TNRC6A: variants seen among roughly 807,000 people sequenced by gnomAD.
TNRC6A encodes trinucleotide repeat containing adaptor 6A.
A neutral mutation model predicts 221.2 loss-of-function variants in TNRC6A; 44 were observed. The ratio of observed to expected loss-of-function variants is 0.20; its 90% CI spans 0.16 to 0.26. The LOEUF (loss-of-function observed/expected upper bound fraction) is 0.26. Among genes scored for constraint, TNRC6A ranks in the 10% least tolerant of loss-of-function variants. The pLI, the probability that TNRC6A is intolerant of heterozygous loss-of-function variation, is 1.00. For synonymous variants in TNRC6A, 847 were observed against 838.5 expected, an observed-to-expected ratio of 1.01 and a Z score of -0.18; for missense variants, 2,199 against 2,404.4, an observed-to-expected ratio of 0.91 and a Z score of 1.79.
chr16:24,807,918 G>T (rs1455810373), intron 17 of TNRC6A, among the ~76,000 whole-genome samples: 1 of 152,216 alleles, frequency 6.6e-6, no homozygotes, highest in Non-Finnish European at 1.5e-5. Context: ...GGGGCATGCT[G>T]TTGCCCCTGC....
chr16:24,634,734 A>G (rs1901537095), intron 1 of TNRC6A, among the ~76,000 whole-genome samples: 1 of 152,194 alleles, frequency 6.6e-6, no homozygotes. Flanking sequence ...AGATTACAAC[A>G]AGGGATCCAG....
intron 8 of TNRC6A, among the ~76,000 whole-genome samples, chr16:24,795,135 C>T (rs1203470411): frequency 1.3e-5 from 2 of 152,184 alleles, no homozygotes; most frequent in African/African-American, 2.4e-5. Context: ...ATTCACCTGT[C>T]ATGTTTGTCC....
At chr16:24,701,809 A>G (rs1231544248) in intron 2 of TNRC6A, among the ~76,000 whole-genome samples, 1 of 152,206 alleles carries the variant, frequency 6.6e-6, no homozygotes, top group African/African-American at 2.4e-5. Context: ...ACTAATTGGT[A>G]TCTGAACCCA....
chr16:24,653,649 G>A (rs1017060833), intron 2 of TNRC6A, among the ~76,000 whole-genome samples: 6 of 151,784 alleles, frequency 4.0e-5, no homozygotes, highest in African/African-American at 7.3e-5. Context: ...GCATGGTGGC[G>A]CACACCTGTA....
At chr16:24,764,366 G>T (rs145384380) in intron 4 of TNRC6A, among the ~76,000 whole-genome samples, 2 of 147,630 alleles carry the variant, frequency 1.4e-5, no homozygotes, top group East Asian at 2.0e-4. Flanking sequence ...TTGCTCTGTC[G>T]CCCAGGCTGG....
At chr16:24,665,731 C>T (rs1214176593) in intron 2 of TNRC6A, among the ~76,000 whole-genome samples, 1 of 152,152 alleles carries the variant, frequency 6.6e-6, no homozygotes, top group Non-Finnish European at 1.5e-5. Context: ...TGTCTCCAGA[C>T]ATTGTCAATT....
chr16:24,709,638 A>G (rs1182003404), intron 2 of TNRC6A, among the ~76,000 whole-genome samples: 3 of 152,026 alleles, frequency 2.0e-5, no homozygotes, highest in Non-Finnish European at 4.4e-5. Flanking sequence ...CAGCCTGGGC[A>G]ACATAGAAAG....
Position 24,793,631 on chromosome 16 carries a change from C to T in TNRC6A, c.3334C>T (p.Gln1112Ter). 6.6e-7 allele frequency: 1 copy of T among 1,514,198 alleles called. No homozygotes were observed. Among genetic ancestry groups the T allele is most frequent in the Non-Finnish European group, 8.9e-7 (1 of 1,127,068 alleles). The allele number at this position is 1,514,198 out of a possible 1,614,324, so 93.8% of individuals were successfully genotyped here. ...STWGSSSVGP[Q>*]ALSKSGPKSM... The stretch of plus-strand genomic sequence containing the variant: ...GTGGGGCTCCAGCTCTGTTGGTCCA[C>T]AAGCATTAAGCAAATCTGGTAAGTT... Residue 1112 changes from glutamine (Q) to a stop codon, truncating the protein, a stop_gained, in exon 7 of 25, where the codon CAA becomes TAA. Transcript: ENST00000395799. LOFTEE classifies it high-confidence loss of function.
chr16:24,775,611 A>G (rs1384263989), intron 4 of TNRC6A, among the ~76,000 whole-genome samples: 3 of 152,216 alleles, frequency 2.0e-5, no homozygotes, highest in African/African-American at 7.2e-5. Flanking sequence ...TAGGCATTTG[A>G]TAAAGATTTC....
intron 4 of TNRC6A, among the ~76,000 whole-genome samples, chr16:24,763,219 C>G (rs1480694510): frequency 1.3e-5 from 2 of 151,650 alleles, no homozygotes; most frequent in South Asian, 4.2e-4. Flanking sequence ...TACTAAATTA[C>G]GTTCAAAGTG....
chr16:24,754,154 G>A (rs929005898), intron 3 of TNRC6A, among the ~76,000 whole-genome samples: 15 of 152,052 alleles, frequency 9.9e-5, no homozygotes, highest in African/African-American at 3.6e-4. Context: ...AGTAGCCACT[G>A]TGGTTTTTTT....
At chr16:24,743,443 A>G (rs1380662338) in intron 2 of TNRC6A, among the ~76,000 whole-genome samples, 1 of 152,020 alleles carries the variant, frequency 6.6e-6, no homozygotes, top group Non-Finnish European at 1.5e-5. Context: ...TTCCCGCCTC[A>G]TCCTCTCGAG....
chr16:24,658,040 A>G (rs1221106816), intron 2 of TNRC6A, among the ~76,000 whole-genome samples: 1 of 152,208 alleles, frequency 6.6e-6, no homozygotes, highest in Non-Finnish European at 1.5e-5. Context: ...GACAAAAAGT[A>G]TGAACATCTT....
chr16:24,652,794 A>G (rs895511675), intron 2 of TNRC6A, among the ~76,000 whole-genome samples: 2 of 152,196 alleles, frequency 1.3e-5, no homozygotes, highest in African/African-American at 4.8e-5. Flanking sequence ...TAATAGTGCT[A>G]GTTCTCTACC....
intron 2 of TNRC6A, among the ~76,000 whole-genome samples, chr16:24,643,309 G>A (rs768606225): frequency 1.9e-4 from 29 of 151,280 alleles, no homozygotes; most frequent in Non-Finnish European, 3.5e-4. Context: ...CAGGAGTGCC[G>A]TGACACTGAG....
chr16:24,630,906 C>G (rs1294286254), intron 1 of TNRC6A, among the ~76,000 whole-genome samples: 2 of 152,076 alleles, frequency 1.3e-5, no homozygotes, highest in African/African-American at 4.8e-5. Context: ...GTATGTGCCT[C>G]TCTATACCTA....
Position 24,782,905 on chromosome 16 carries a change from A to C in TNRC6A, c.589+5547A>C, listed in dbSNP as rs968626293. 2.2e-4 allele frequency among the ~76,000 whole-genome samples: 33 copies of C among 152,124 alleles called. 1 individual carries two copies. Among genetic ancestry groups the C allele is most frequent in the Admixed American group, 1.4e-3 (21 of 15,276 alleles). ...AAGAGTGATTTGAAACTGTACATCT[A>C]AGGTTCTCTCGTATTCCCAATGGTA... On this transcript the variant is annotated intron_variant, in intron 5 of 24. Coordinates refer to ENST00000395799, the MANE Select transcript of TNRC6A (RefSeq NM_014494.4).
chr16:24,756,461 A>G (rs1388656782), intron 3 of TNRC6A, among the ~76,000 whole-genome samples: 3 of 152,118 alleles, frequency 2.0e-5, no homozygotes, highest in Non-Finnish European at 2.9e-5. Context: ...CTATACTACT[A>G]CTTTCATTCC....
chr16:24,758,343 C>G lies in TNRC6A; in HGVS notation c.146C>G (p.Thr49Ser), dbSNP rs2057294976. Residue 49 changes from threonine (T) to serine (S), a missense_variant, in exon 4 of 25, where the codon ACT becomes AGT. Thr to Ser is a moderately conservative substitution (Grantham distance 58, BLOSUM62 1). Around this residue, in one of 8 missense-constraint regions of TNRC6A, gnomAD observed 1,405 missense variants for 1,400.2 expected, o/e 1.00. Transcript: ENST00000395799. ...GTTTGTTTGTTTTTATTTTAGGCCA[C>G]TGAACAAAAAATCAAAGGTACGTTG... ...KKKEAAQKKATEQKIKVPEQI... is the reference protein window; with the variant it reads ...KKKEAAQKKASEQKIKVPEQI... 6.2e-7 allele frequency: 1 copy of G among 1,609,440 alleles called. No homozygotes were observed. The highest frequency in any genetic ancestry group is 8.5e-7 in the Non-Finnish European group (1 of 1,176,502).
Sources: allele counts gnomAD v4.1 joint callset (sites outside exome capture counted in the v4.1 genomes callset), GRCh38; gene constraint gnomAD v4.1.1; regional missense constraint gnomAD v4.1.1; transcripts MANE v1.5; gene names NCBI Gene and HGNC (gene_info 2026-07-23, HGNC 2026-07-21).